The following ASTN1 variants were observed in gnomAD, a reference collection of about 807,000 sequenced individuals.
ASTN1 encodes the protein astrotactin-1.
ASTN1 carries 41 observed loss-of-function variants against 140.7 expected under a neutral mutation model. The ratio of observed to expected loss-of-function variants is 0.29; its 90% CI spans 0.23 to 0.38. The LOEUF is 0.38. Among genes scored for constraint, ASTN1 ranks in the 10% least tolerant of loss-of-function variants. ASTN1 has a pLI of 1.00. For synonymous variants in ASTN1, 640 were observed against 652.2 expected (o/e 0.98, Z 0.29); for missense variants, 1,479 against 1,678.8 (o/e 0.88, Z 2.08).
At chr1:177,029,569 C>G in intron 5 of ASTN1, 65 bp downstream of exon 5, 2 of 1,513,214 alleles carry the variant, frequency 1.3e-6, no homozygotes, top group Non-Finnish European at 1.8e-6. Flanking sequence ...AACACCTCTT[C>G]GCCTTCCCCC....
intron 1 of ASTN1, among the ~76,000 whole-genome samples, chr1:177,083,148 A>G (rs1679261757): frequency 6.6e-6 from 1 of 152,076 alleles, no homozygotes; most frequent in East Asian, 1.9e-4. Flanking sequence ...GAGAGGCAAG[A>G]TAGTCTCATT....
chr1:177,082,909 A>G (rs980360179), intron 1 of ASTN1, among the ~76,000 whole-genome samples: 5 of 152,292 alleles, frequency 3.3e-5, no homozygotes, highest in African/African-American at 1.2e-4. Flanking sequence ...TTCCTTATCA[A>G]TGCACAATAT....
At chr1:176,981,791 A>G (rs1364622239) in intron 8 of ASTN1, 1 of 152,634 alleles carries the variant, frequency 6.6e-6, no homozygotes, top group Non-Finnish European at 1.5e-5. Flanking sequence ...AGGGAGGAAA[A>G]CATTTGAACT....
At chr1:177,078,418 G>GAATGCTCAGTGGGT (rs1349745053) in intron 1 of ASTN1, among the ~76,000 whole-genome samples, 2 of 152,024 alleles carry the variant, frequency 1.3e-5, no homozygotes, top group Non-Finnish European at 2.9e-5. Flanking sequence ...ACACCCTTTG[G>GAATGCTCAGTGGGT]GAGATCTGGA....
Position 176,893,099 on chromosome 1 carries a change from C to A in ASTN1, c.2940+1463G>T, listed in dbSNP as rs142140763. Among the ~76,000 whole-genome samples, 202 of 152,296 alleles carry A rather than the reference C, an allele frequency of 1.3e-3. 3 individuals carry two copies. The East Asian group carries it at 0.032, about 24-fold the overall frequency. ...TCCTTCAGCTTCCCCATTTTGCTTGCAATCATACAAAGAAAGCACGATGTA... is the reference window on the plus strand; with the variant it reads ...TCCTTCAGCTTCCCCATTTTGCTTGAAATCATACAAAGAAAGCACGATGTA... On this transcript the variant is annotated intron_variant, in intron 17 of 22. Transcript: ENST00000361833.
intron 5 of ASTN1, among the ~76,000 whole-genome samples, chr1:177,025,780 G>C (rs1056955973): frequency 2.0e-5 from 3 of 152,210 alleles, no homozygotes; most frequent in Admixed American, 6.5e-5. Context: ...AGATCTGTAA[G>C]AGTTGACGCT....
At chr1:176,859,164 C>A (rs1266526516), downstream of ASTN1, among the ~76,000 whole-genome samples, 1 of 152,090 alleles carries the variant, frequency 6.6e-6, no homozygotes, top group Non-Finnish European at 1.5e-5. Context: ...ATGTTTTTTC[C>A]TTGTCCCAAA....
intron 7 of ASTN1, among the ~76,000 whole-genome samples, chr1:177,017,220 A>G (rs1043800250): frequency 2.0e-5 from 3 of 152,254 alleles, no homozygotes; most frequent in African/African-American, 4.8e-5. Context: ...ATGTGGGGAC[A>G]TACTGCCGAC....
At chr1:177,083,999 T>G (rs1228002990) in intron 1 of ASTN1, among the ~76,000 whole-genome samples, 1 of 152,230 alleles carries the variant, frequency 6.6e-6, no homozygotes, top group Non-Finnish European at 1.5e-5. Flanking sequence ...CTTGCTGTCA[T>G]TTAAGCCTGT....
In ASTN1 at chr1:177,114,965, C is replaced by T. The variant is rs979638784; in HGVS notation, c.283+49429G>A. Among the ~76,000 whole-genome samples, 15 of 151,632 alleles carry T rather than the reference C, an allele frequency of 9.9e-5. 2 individuals are homozygous for T. Among genetic ancestry groups the T allele is most frequent in the Non-Finnish European group, 4.4e-5 (3 of 67,952 alleles). ...AGACCATTAGGAGAAGCACTGTTAG[C>T]CAGAAGAGGAAGAGCGCAGAGAGCA... On this transcript the variant is annotated intron_variant, in intron 1 of 22. Coordinates refer to ENST00000361833, the MANE Select transcript of ASTN1 (RefSeq NM_004319.3).
chr1:177,099,188 T>C (rs1680186868), intron 1 of ASTN1, among the ~76,000 whole-genome samples: 1 of 152,190 alleles, frequency 6.6e-6, no homozygotes. Flanking sequence ...TTGAAGAAAC[T>C]CCAAAGCTGA....
At position 177,164,575 on chromosome 1, in the gene ASTN1, C is replaced by T. The variant is rs774272781; in HGVS notation, c.102G>A (p.Glu34=). 4.3e-6 allele frequency: 7 copies of T among 1,613,906 alleles called. No homozygotes were observed. In the Admixed American group the frequency reaches 5.0e-5, roughly 12 times the overall value. Residue 34 remains glutamate (E), a synonymous_variant, in exon 1 of 23, where the codon GAG becomes GAA. Coordinates refer to ENST00000361833, the MANE Select transcript of ASTN1 (RefSeq NM_004319.3). The part of the protein sequence containing the change: ...AGDVDPSKEL[E]CKLKSITVSA... ...ACACCGTGATGCTTTTGAGCTTGCA[C>T]TCCAGCTCCTTGGATGGATCCACGT...
chr1:176,936,196 G>C (rs776716234), intron 15 of ASTN1, 70 bp downstream of exon 15: 1 of 1,395,816 alleles, frequency 7.2e-7, no homozygotes, highest in Non-Finnish European at 1.0e-6. Context: ...TGGGACCAAA[G>C]GCTTCTCCCC....
intron 8 of ASTN1, among the ~76,000 whole-genome samples, chr1:176,997,244 T>C (rs1424461495): frequency 6.6e-6 from 1 of 152,198 alleles, no homozygotes; most frequent in African/African-American, 2.4e-5. Flanking sequence ...CAGGTACTAT[T>C]GTGATCCCTA....
intron 2 of ASTN1, among the ~76,000 whole-genome samples, chr1:177,051,991 T>C (rs1677563874): frequency 6.6e-6 from 1 of 152,124 alleles, no homozygotes. Context: ...AGATACCTGG[T>C]AGGTATCAGA....
chr1:176,967,845 G>A (rs1205139053), intron 8 of ASTN1, among the ~76,000 whole-genome samples: 14 of 152,140 alleles, frequency 9.2e-5, no homozygotes, highest in Non-Finnish European at 2.1e-4. Flanking sequence ...GGATGTAGAG[G>A]AGTGCAGCGT....
At chr1:176,971,173 TG>T (rs771763379) in intron 8 of ASTN1, among the ~76,000 whole-genome samples, 128 of 152,332 alleles carry the variant, frequency 8.4e-4, no homozygotes, top group Middle Eastern at 3.4e-3. Flanking sequence ...AAAGTGCTTC[TG>T]GAGAAAGGCA....
At chr1:176,980,039 G>A (rs556693637) in intron 8 of ASTN1, among the ~76,000 whole-genome samples, 26 of 152,266 alleles carry the variant, frequency 1.7e-4, no homozygotes, top group South Asian at 1.2e-3. Context: ...CATGTGGAGC[G>A]TTAAAGGGTC....
Position 176,876,534 on chromosome 1 carries a change from T to A in ASTN1, c.3463+3A>T, listed in dbSNP as rs201200622. The A allele has an allele frequency of 4.6e-5, 75 of 1,614,128 alleles. No homozygotes were observed. Among genetic ancestry groups the A allele is most frequent in the Non-Finnish European group, 8.5e-7 (1 of 1,179,966 alleles). ...AAACACTGCTAACTTCGATGTCTCT[T>A]ACCTTGAGCCTTGACATCATCCACC... On this transcript the variant is annotated splice_donor_region_variant and intron_variant, in intron 21 of 22. Transcript: ENST00000361833.
Sources: gnomAD v4.1 joint callset for allele counts (sites outside exome capture counted in the v4.1 genomes callset) on GRCh38, gnomAD v4.1.1 for gene constraint, MANE v1.5 for transcripts, NCBI Gene and HGNC (gene_info 2026-07-23, HGNC 2026-07-21) for gene names.